CASZ1: variants seen among roughly 807,000 people sequenced by gnomAD.
The protein encoded by CASZ1 is zinc finger protein castor homolog 1.
CASZ1 carries 28 observed loss-of-function variants against 135.2 expected under a neutral mutation model. The observed-to-expected ratio is 0.21, with a 90% CI of 0.15 to 0.28. The LOEUF (loss-of-function observed/expected upper bound fraction) is 0.28. Among genes scored for constraint, CASZ1 ranks in the 10% least tolerant of loss-of-function variants. The pLI, the probability that CASZ1 is intolerant of heterozygous loss-of-function variation, is 1.00. For missense variants in CASZ1, 2,161 were observed against 2,453.3 expected (o/e 0.88, Z 2.52); for synonymous variants, 1,068 against 1,073.4 (o/e 0.99, Z 0.10).
At position 10,755,638 on chromosome 1, in the gene CASZ1, G is replaced by T. The variant is rs780073023; in HGVS notation, c.-77+5063C>A. The stretch of plus-strand genomic sequence containing the variant: ...GGGTTTTCCTGCATCTGCTCCGAAG[G>T]CAGGGGGTGTGGGGAGAACGGAGGA... On this transcript the variant is annotated intron_variant, in intron 2 of 20. Transcript: ENST00000377022. The surrounding 1 kb of genome is among the most constrained non-coding windows in gnomAD (Gnocchi z 4.3). Among the ~76,000 whole-genome samples the T allele has an allele frequency of 6.6e-6, 1 of 152,134 alleles. No individual in the cohort carries two copies. The highest frequency in any genetic ancestry group is 1.5e-5 in the Non-Finnish European group (1 of 68,010).
intron 1 of CASZ1, among the ~76,000 whole-genome samples, chr1:10,768,251 T>C (rs1640514396): frequency 6.6e-6 from 1 of 152,184 alleles, no homozygotes; most frequent in Admixed American, 6.5e-5. Flanking sequence ...AGAGTCTCAC[T>C]CTGTCACCCA....
rs192088839 is a variant in CASZ1 at position 10,700,245 on chromosome 1, C to G, written c.-24+5247G>C. On this transcript the variant is annotated intron_variant, in intron 3 of 20. Transcript: ENST00000377022. This position sits in a 1 kb window ranked among gnomAD's most constrained non-coding sequence, Gnocchi z 4.2. ...ATTTTGTCTCAGTTACAATGATCAG[C>G]TGCAGAAGATATGGGATTTCTCATT... Among the ~76,000 whole-genome samples the G allele has an allele frequency of 3.9e-5, 6 of 152,326 alleles. No homozygotes were observed. Among genetic ancestry groups the G allele is most frequent in the African/African-American group, 7.2e-5 (3 of 41,584 alleles).
intron 20 of CASZ1, among the ~76,000 whole-genome samples, chr1:10,640,585 C>T (rs1223887241): frequency 6.6e-6 from 1 of 152,198 alleles, no homozygotes; most frequent in Admixed American, 6.5e-5. Context: ...TGCCCCAGGG[C>T]TGTGCGGGGC....
At chr1:10,658,138 C>G (rs1642870606) in intron 7 of CASZ1, 1 of 230,910 alleles carries the variant, frequency 4.3e-6, no homozygotes. Context: ...TGGCCTGCCT[C>G]TACCTTCCCA....
intron 3 of CASZ1, among the ~76,000 whole-genome samples, chr1:10,698,452 G>A (rs1051014467): frequency 5.3e-5 from 8 of 152,098 alleles, no homozygotes; most frequent in South Asian, 2.1e-4. Flanking sequence ...TCAATTAGCC[G>A]CAATTTCTAA....
chr1:10,746,934 C>T (rs1443526438), intron 2 of CASZ1, among the ~76,000 whole-genome samples: 1 of 152,232 alleles, frequency 6.6e-6, no homozygotes, highest in Non-Finnish European at 1.5e-5. Flanking sequence ...GCTCCCACTC[C>T]CTGCCCCTTC....
At chr1:10,669,282 C>T (rs1022796584) in intron 4 of CASZ1, among the ~76,000 whole-genome samples, 3 of 152,206 alleles carry the variant, frequency 2.0e-5, no homozygotes, top group African/African-American at 4.8e-5. Context: ...GCCCCTAAGC[C>T]GGCCCTAGGA....
At chr1:10,722,511 G>A (rs1639517973) in intron 2 of CASZ1, among the ~76,000 whole-genome samples, 1 of 152,324 alleles carries the variant, frequency 6.6e-6, no homozygotes, top group South Asian at 2.1e-4. Context: ...AACATTCTGG[G>A]TGCTCGGAGA....
chr1:10,772,347 G>T (rs1640591140), intron 1 of CASZ1, among the ~76,000 whole-genome samples: 1 of 152,174 alleles, frequency 6.6e-6, no homozygotes, highest in Non-Finnish European at 1.5e-5. Context: ...TGCCCCCATT[G>T]GTCTAGAGTT....
intron 4 of CASZ1, among the ~76,000 whole-genome samples, chr1:10,689,064 G>A (rs573328381): frequency 1.1e-4 from 17 of 152,338 alleles, no homozygotes; most frequent in African/African-American, 4.1e-4. Context: ...AGGGAAGGCC[G>A]TGTTAGAAGG....
At position 10,720,866 on chromosome 1, in the gene CASZ1, G is replaced by C. The variant is rs1639483920; in HGVS notation, c.-76-15322C>G. 6.6e-6 allele frequency among the ~76,000 whole-genome samples: 1 copy of C among 152,162 alleles called. No individual in the cohort carries two copies. Among genetic ancestry groups the C allele is most frequent in the Admixed American group, 6.5e-5 (1 of 15,282 alleles). On this transcript the variant is annotated intron_variant, in intron 2 of 20. Coordinates refer to ENST00000377022, the MANE Select transcript of CASZ1 (RefSeq NM_001079843.3). The surrounding 1 kb of genome is among the most constrained non-coding windows in gnomAD (Gnocchi z 5.7). ...AGGGACCAAGGGGAGAGGCAGGCAT[G>C]GGTGCCGCGTGGGCCCAGCCAAGGG...
chr1:10,789,420 C>T (rs190852615), intron 1 of CASZ1, among the ~76,000 whole-genome samples: 29 of 151,628 alleles, frequency 1.9e-4, no homozygotes, highest in African/African-American at 6.8e-4. Flanking sequence ...CTCCTCTCAC[C>T]TTGAGAAGTG....
rs370612707 is a variant in CASZ1 at position 10,759,757 on chromosome 1, G to A, written c.-77+944C>T. ...CAGAGTGACCATGGGGAGGAAGAGC[G>A]CAGGCAGGTGAGCCAGGGACACCGG... On this transcript the variant is annotated intron_variant, in intron 2 of 20. Coordinates refer to ENST00000377022, the MANE Select transcript of CASZ1 (RefSeq NM_001079843.3). This position sits in a 1 kb window ranked among gnomAD's most constrained non-coding sequence, Gnocchi z 4.2. Among the ~76,000 whole-genome samples the A allele has an allele frequency of 5.3e-5, 8 of 152,252 alleles. No homozygotes were observed. The highest frequency in any genetic ancestry group is 3.9e-4 in the East Asian group (2 of 5,174).
chr1:10,667,354 C>T (rs1643268180), intron 4 of CASZ1, among the ~76,000 whole-genome samples: 1 of 152,228 alleles, frequency 6.6e-6, no homozygotes, highest in Admixed American at 6.5e-5. Flanking sequence ...TCTCAGCCCA[C>T]TCCCAGGCCT....
intron 4 of CASZ1, among the ~76,000 whole-genome samples, chr1:10,692,795 G>A (rs1013119873): frequency 1.3e-5 from 2 of 152,192 alleles, no homozygotes; most frequent in Non-Finnish European, 2.9e-5. Context: ...CCCAAGGGCC[G>A]ATGCTGTGAA....
intron 5 of CASZ1, among the ~76,000 whole-genome samples, chr1:10,663,214 G>A (rs1213993401): frequency 6.6e-6 from 1 of 152,202 alleles, no homozygotes; most frequent in African/African-American, 2.4e-5. Context: ...GCCAGGTCTG[G>A]GATCCTCAGA....
chr1:10,790,771 C>G (rs941712104), intron 1 of CASZ1, among the ~76,000 whole-genome samples: 1 of 152,004 alleles, frequency 6.6e-6, no homozygotes, highest in Non-Finnish European at 1.5e-5. Flanking sequence ...CACACAAAAA[C>G]CTTGGCTATG....
At chr1:10,790,745 C>G (rs1640941609) in intron 1 of CASZ1, among the ~76,000 whole-genome samples, 1 of 151,994 alleles carries the variant, frequency 6.6e-6, no homozygotes, top group Non-Finnish European at 1.5e-5. Context: ...TATCTCGTTC[C>G]CCCCTTGTAA....
intron 20 of CASZ1, 73 bp from the exon 21 acceptor site, chr1:10,640,132 G>A (rs555615473): frequency 5.9e-6 from 9 of 1,526,948 alleles, no homozygotes; most frequent in Non-Finnish European, 7.9e-6. Context: ...ACACCCACAT[G>A]GGACCCCTGA....
Sources: allele counts gnomAD v4.1 joint callset (sites outside exome capture counted in the v4.1 genomes callset), GRCh38; gene constraint gnomAD v4.1.1; non-coding constraint Gnocchi (gnomAD v3.1); transcripts MANE v1.5; gene names NCBI Gene and HGNC (gene_info 2026-07-23, HGNC 2026-07-21).